Variants in ADAP1 observed in about 807,000 individuals in gnomAD.
The protein encoded by ADAP1 is arf-GAP with dual PH domain-containing protein 1.
ADAP1 carries 31 observed loss-of-function variants against 54.9 expected under a neutral mutation model. The observed-to-expected ratio is 0.56, with a 90% CI of 0.42 to 0.76. ADAP1 has a LOEUF of 0.76. ADAP1 is among the 30% of genes least tolerant of loss of function. The pLI, the probability that ADAP1 is intolerant of heterozygous loss-of-function variation, is 0.00. For synonymous variants in ADAP1, 313 were observed against 202.6 expected, an observed-to-expected ratio of 1.55 and a Z score of -4.63; for missense variants, 535 against 512.4, an observed-to-expected ratio of 1.04 and a Z score of -0.42.
intron 4 of ADAP1, among the ~76,000 whole-genome samples, chr7:906,743 A>AAGGGGG (rs1410932912): frequency 3.3e-4 from 8 of 24,102 alleles, no homozygotes; most frequent in African/African-American, 9.9e-4. Flanking sequence ...GGGACAGAGT[A>AAGGGGG]CATAGGGGAC....
rs556988824 is a variant in ADAP1, at chr7:932,678, C to T, written c.213+2697G>A. Among the ~76,000 whole-genome samples, 19 of 152,232 alleles carry T rather than the reference C, an allele frequency of 1.2e-4. No individual in the cohort carries two copies. In the East Asian group the frequency reaches 3.7e-3, roughly 29 times the overall value. ...CTGGCGAAGGGATGGATGTCACATC[C>T]CAGTGTCCCCCCCTGGGTCAGTGAA... On this transcript the variant is annotated intron_variant, in intron 2 of 10. Transcript: ENST00000265846.
chr7:927,133 GGACA>G, intron 2 of ADAP1: 1 of 1,303,958 alleles, frequency 7.7e-7, no homozygotes, highest in South Asian at 1.2e-5. Context: ...GATGTGGCTA[GGACA>G]GAGTCTCTGA....
chr7:906,759 CA>C lies in ADAP1; in HGVS notation c.389-1588del, dbSNP rs1298681792. Among the ~76,000 whole-genome samples, 7 of 16,172 alleles carry C rather than the reference CA, an allele frequency of 4.3e-4. 1 individual carries two copies. In the East Asian group the frequency reaches 0.013, roughly 30 times the overall value. 10.6% of individuals were successfully genotyped at this position (16,172 alleles called of 152,430 possible). A position where few individuals can be genotyped will look rare whatever the true frequency, so the allele number is the denominator to read the frequency against. ...GGACAGAGTACATAGGGGACATGGA[CA>C]GGGGACATGGGGGACAGGGGACACG... On this transcript the variant is annotated intron_variant, in intron 4 of 10. Transcript: ENST00000265846.
At chr7:924,060 CCGGG>C (rs1846284896) in intron 3 of ADAP1, among the ~76,000 whole-genome samples, 1 of 143,908 alleles carries the variant, frequency 6.9e-6, no homozygotes, top group Non-Finnish European at 1.5e-5. Context: ...CCCCCGCCCT[CCGGG>C]TTACACTGCA....
At chr7:940,623 C>T (rs1272716094) in intron 1 of ADAP1, among the ~76,000 whole-genome samples, 2 of 152,148 alleles carry the variant, frequency 1.3e-5, no homozygotes, top group Non-Finnish European at 2.9e-5. Flanking sequence ...TAGTCCAACC[C>T]ACTCTGAAAA....
intron 4 of ADAP1, among the ~76,000 whole-genome samples, chr7:907,371 G>A (rs994917531): frequency 6.6e-6 from 1 of 152,140 alleles, no homozygotes; most frequent in African/African-American, 2.4e-5. Context: ...GCCAGAGGGG[G>A]CCCCAGAGCC....
At chr7:939,479 A>G (rs1846881780) in intron 1 of ADAP1, among the ~76,000 whole-genome samples, 1 of 151,764 alleles carries the variant, frequency 6.6e-6, no homozygotes, top group South Asian at 2.1e-4. Context: ...CGGCCTCACA[A>G]AGTGCTGGGA....
intron 6 of ADAP1, among the ~76,000 whole-genome samples, chr7:901,933 GCCC>G (rs1048113312): frequency 1.3e-5 from 2 of 151,994 alleles, no homozygotes; most frequent in African/African-American, 4.8e-5. Flanking sequence ...TTGGAAAATC[GCCC>G]CTTTTCCCCC....
In ADAP1 at chr7:946,857, C is replaced by G. The variant is rs1410958787; in HGVS notation, c.82+7539G>C. ...CACTTTGAAATGATTAACCTGAGGC[C>G]GGGCGGGGCGGCTCACGCCTGCAAT... On this transcript the variant is annotated intron_variant, in intron 1 of 10. Coordinates refer to ENST00000265846, the MANE Select transcript of ADAP1 (RefSeq NM_006869.4). The surrounding 1 kb of genome is among the most constrained non-coding windows in gnomAD (Gnocchi z 4.3). 6.6e-6 allele frequency among the ~76,000 whole-genome samples: 1 copy of G among 152,196 alleles called. No individual in the cohort carries two copies. The highest frequency in any genetic ancestry group is 1.5e-5 in the Non-Finnish European group (1 of 68,040).
chr7:915,026 C>A (rs1845874474), intron 4 of ADAP1, among the ~76,000 whole-genome samples: 1 of 151,864 alleles, frequency 6.6e-6, no homozygotes, highest in African/African-American at 2.4e-5. Context: ...GGCTCTGGGG[C>A]CCGAGGCCCT....
intron 1 of ADAP1, among the ~76,000 whole-genome samples, chr7:939,967 C>T (rs1430341018): frequency 6.6e-6 from 1 of 152,048 alleles, no homozygotes; most frequent in Non-Finnish European, 1.5e-5. Flanking sequence ...CTTTGACAAA[C>T]CAGCTACAAG....
At chr7:900,231 T>G (rs921736485) in intron 7 of ADAP1, 67 bp from the exon 8 acceptor site, 15 of 1,580,802 alleles carry the variant, frequency 9.5e-6, no homozygotes, top group African/African-American at 4.0e-5. Context: ...TCCCTGGCTG[T>G]GCCCCTCTGT....
At chr7:944,104 A>G (rs1259227501) in intron 1 of ADAP1, among the ~76,000 whole-genome samples, 2 of 151,894 alleles carry the variant, frequency 1.3e-5, no homozygotes, top group Admixed American at 1.3e-4. Context: ...TTTTGTAGAA[A>G]CAAGGTATTG....
rs1554272534 is a variant in ADAP1 at position 906,806 on chromosome 7, G to GGGGGACATGGGTGACAC, written c.389-1635_389-1634insGTGTCACCCATGTCCCC. Among the ~76,000 whole-genome samples, 439 of 44,322 alleles carry GGGGGACATGGGTGACAC rather than the reference G, an allele frequency of 9.9e-3. 14 individuals are homozygous for GGGGGACATGGGTGACAC. Among genetic ancestry groups the GGGGGACATGGGTGACAC allele is most frequent in the African/African-American group, 0.037 (407 of 10,874 alleles). 29.1% of individuals were successfully genotyped at this position (44,322 alleles called of 152,430 possible). ...ACACGGGGGACGGGACAGGGGACAT[G>GGGGGACATGGGTGACAC]GGGGGACATGGGTCAGATGGTGATG... On this transcript the variant is annotated intron_variant, in intron 4 of 10. Transcript: ENST00000265846.
At chr7:954,928 G>A (rs1847350779), upstream of ADAP1, among the ~76,000 whole-genome samples, 1 of 152,058 alleles carries the variant, frequency 6.6e-6, no homozygotes, top group South Asian at 2.1e-4. Context: ...GCCGCCGCGC[G>A]CGGTGGGACG....
rs188861298 is a variant in ADAP1, at chr7:904,706, C to G, written c.501+354G>C. On this transcript the variant is annotated intron_variant, in intron 5 of 10. Coordinates refer to ENST00000265846, the MANE Select transcript of ADAP1 (RefSeq NM_006869.4). ...TCTTGCCAATGTGTTTGTCCTGTCC[C>G]AGTCCAGTCTCCCCAGGGTACCTCC... Among the ~76,000 whole-genome samples, 30 of 152,378 alleles carry G rather than the reference C, an allele frequency of 2.0e-4. No individual in the cohort carries two copies. In the East Asian group the frequency reaches 5.8e-3, roughly 29 times the overall value.
At chr7:923,569 G>A (rs1024570406) in intron 3 of ADAP1, among the ~76,000 whole-genome samples, 4 of 152,120 alleles carry the variant, frequency 2.6e-5, no homozygotes, top group African/African-American at 9.7e-5. Context: ...GAGGGCACAC[G>A]AGACCCTCTG....
intron 4 of ADAP1, among the ~76,000 whole-genome samples, chr7:914,357 G>A (rs529369856): frequency 3.9e-5 from 6 of 152,314 alleles, no homozygotes; most frequent in Non-Finnish European, 7.4e-5. Flanking sequence ...CGCCACTGCC[G>A]TGATAAAGGG....
intron 1 of ADAP1, among the ~76,000 whole-genome samples, chr7:942,610 G>C (rs1474761880): frequency 2.2e-4 from 12 of 53,618 alleles, no homozygotes; most frequent in East Asian, 9.9e-4. Flanking sequence ...GAGAGGAGGA[G>C]GAAGGGAGAG....
Sources: allele counts gnomAD v4.1 joint callset (sites outside exome capture counted in the v4.1 genomes callset), GRCh38; gene constraint gnomAD v4.1.1; non-coding constraint Gnocchi (gnomAD v3.1); transcripts MANE v1.5; gene names NCBI Gene and HGNC (gene_info 2026-07-23, HGNC 2026-07-21).